The following MGAT4D variants were observed in gnomAD, a reference collection of about 807,000 sequenced individuals.
MGAT4D encodes the protein alpha-1,3-mannosyl-glycoprotein 4-beta-N-acetylglucosaminyltransferase-like protein MGAT4D.
MGAT4D carries 34 observed loss-of-function variants against 15.9 expected under a neutral mutation model. The ratio of observed to expected loss-of-function variants is 2.14; its 90% confidence interval spans 1.62 to 2.84. MGAT4D has a LOEUF of 2.84. Among genes scored for constraint, MGAT4D ranks in the 30% most tolerant of loss-of-function variants. The probability of loss-of-function intolerance (pLI) is 0.00; values close to 1 mark genes in which losing one functional copy is unlikely to be tolerated. For synonymous variants in MGAT4D, 112 were observed against 48.2 expected, an observed-to-expected ratio of 2.33 and a Z score of -5.49; for missense variants, 327 against 140.2, an observed-to-expected ratio of 2.33 and a Z score of -6.73.
chr4:140,479,169 C>T lies in MGAT4D; in HGVS notation c.391+321G>A, dbSNP rs576897127. The stretch of plus-strand genomic sequence containing the variant: ...GAAAGACTGGGAAACAGTAAAATAA[C>T]CAGGTAAGAATAGATTTACCAAAAA... On this transcript the variant is annotated intron_variant, in intron 3 of 10. Transcript: ENST00000511113. Among the ~76,000 whole-genome samples, 127 of 152,234 alleles carry T rather than the reference C, an allele frequency of 8.3e-4. 2 individuals carry two copies. Among genetic ancestry groups the T allele is most frequent in the Non-Finnish European group, 1.7e-3 (113 of 68,020 alleles).
chr4:140,470,002 GA>G (rs1406342495), intron 5 of MGAT4D, among the ~76,000 whole-genome samples: 20 of 152,368 alleles, frequency 1.3e-4, no homozygotes, highest in African/African-American at 4.6e-4. Context: ...CAAGAGCCTG[GA>G]AGGCGGTCGA....
chr4:140,482,337 TG>T lies in MGAT4D; in HGVS notation c.242del (p.Ser81Ter), dbSNP rs1732790776. 1.6e-6 allele frequency: 1 copy of T among 625,022 alleles called. No individual in the cohort carries two copies. Among genetic ancestry groups the T allele is most frequent in the Non-Finnish European group, 2.8e-6 (1 of 356,104 alleles). The allele number at this position is 625,022 out of a possible 1,614,324, so 38.7% of individuals were successfully genotyped here. A position where few individuals can be genotyped will look rare whatever the true frequency, so the allele number is the denominator to read the frequency against. On this transcript the variant is annotated frameshift_variant, in exon 2 of 11. Coordinates refer to ENST00000511113, the MANE Select transcript of MGAT4D (RefSeq NM_001277353.2). LOFTEE classifies it high-confidence loss of function. ...KYEITKREILSGNLVAQKADI... is the reference protein window; with the variant it reads ...KYEITKREILXGNLVAQKADI... ...AAAATCAACACAAACCTAAGTTTCC[TG>T]ACAAAATTTCTCTCTTTGTAATTTC...
intron 8 of MGAT4D, chr4:140,459,218 A>T (rs1027801750): frequency 1.8e-5 from 3 of 168,492 alleles, no homozygotes; most frequent in Non-Finnish European, 2.5e-5. Context: ...CTACTCAGCT[A>T]ACATGTGTGC....
intron 9 of MGAT4D, among the ~76,000 whole-genome samples, chr4:140,455,050 A>G (rs575070159): frequency 6.6e-6 from 1 of 152,074 alleles, no homozygotes; most frequent in Non-Finnish European, 1.5e-5. Flanking sequence ...GGTTTTCTCT[A>G]TTATTTTTAT....
At chr4:140,493,008 T>C (rs1733602960) in intron 1 of MGAT4D, among the ~76,000 whole-genome samples, 1 of 152,198 alleles carries the variant, frequency 6.6e-6, no homozygotes, top group Admixed American at 6.5e-5. Flanking sequence ...TTTACATCTT[T>C]AAGTGAATTG....
chr4:140,444,887 C>T (rs1419213923), intron 10 of MGAT4D, among the ~76,000 whole-genome samples: 1 of 146,214 alleles, frequency 6.8e-6, no homozygotes, highest in Admixed American at 6.8e-5. Context: ...TATTTTTTGC[C>T]TTTTTTTTTT....
rs181287847 is a variant in MGAT4D at position 140,450,351 on chromosome 4, T to C, written c.1116+1059A>G. Among the ~76,000 whole-genome samples, 469 of 152,294 alleles carry C rather than the reference T, an allele frequency of 3.1e-3. 5 individuals are homozygous for C. Among genetic ancestry groups the C allele is most frequent in the African/African-American group, 0.011 (442 of 41,580 alleles). ...ATATAATGAAAGAATCCCGTTATAA[T>C]AGCATCAAAAAAGAGAATGGTATAG... On this transcript the variant is annotated intron_variant, in intron 10 of 10. Transcript: ENST00000511113.
chr4:140,462,380 T>C (rs1731247554), intron 6 of MGAT4D: 2 of 159,666 alleles, frequency 1.3e-5, no homozygotes, highest in Non-Finnish European at 2.7e-5. Flanking sequence ...GCTTTCTTTA[T>C]TGATTCTATC....
chr4:140,487,671 T>C lies in MGAT4D; in HGVS notation c.95-5186A>G, dbSNP rs1321219294. Among the ~76,000 whole-genome samples, 3 of 152,240 alleles carry C rather than the reference T, an allele frequency of 2.0e-5. 1 individual carries two copies. The highest frequency in any genetic ancestry group is 4.4e-5 in the Non-Finnish European group (3 of 68,044). On this transcript the variant is annotated intron_variant, in intron 1 of 10. Transcript: ENST00000511113. ...TCACAGTACATCTCAATTCAGATGC[T>C]AAATTTTAATAATTACAGTGAAATG...
At chr4:140,459,886 C>T (rs56146404) in intron 7 of MGAT4D, among the ~76,000 whole-genome samples, 28,617 of 148,910 alleles carry the variant, frequency 0.19, 2,818 homozygotes, top group South Asian at 0.27. Context: ...GCACGTGCCA[C>T]CATGTCTGGC....
chr4:140,474,914 T>G lies in MGAT4D; in HGVS notation c.424A>C (p.Arg142=). Residue 142 remains arginine (R), a synonymous_variant, in exon 4 of 11, where the codon AGA becomes CGA. Coordinates refer to ENST00000511113, the MANE Select transcript of MGAT4D (RefSeq NM_001277353.2). ...SFALGISTVN[R]GNYSYLKQTL... is the part of the protein sequence containing the mutation. ...TGTTTCAGGTAACTATAATTTCCTC[T>G]GTTAACAGTGGAAATACCCAGCGCA... The G allele has an allele frequency of 1.4e-6, 1 of 697,220 alleles. No individual in the cohort carries two copies. Among genetic ancestry groups the G allele is most frequent in the Non-Finnish European group, 2.6e-6 (1 of 382,974 alleles). The allele number at this position is 697,220 out of a possible 1,614,324, so 43.2% of individuals were successfully genotyped here. A position where few individuals can be genotyped will look rare whatever the true frequency, so the allele number is the denominator to read the frequency against.
chr4:140,448,328 C>T (rs534721318), intron 10 of MGAT4D, among the ~76,000 whole-genome samples: 5 of 152,236 alleles, frequency 3.3e-5, no homozygotes, highest in South Asian at 2.1e-4. Flanking sequence ...CTGTCTTATT[C>T]GGTGATGCTA....
intron 10 of MGAT4D, among the ~76,000 whole-genome samples, chr4:140,450,558 T>C (rs936683995): frequency 3.3e-4 from 50 of 152,208 alleles, no homozygotes; most frequent in African/African-American, 1.2e-3. Flanking sequence ...GAGTTCACAT[T>C]ATGTTCTAGG....
At chr4:140,456,866 T>C (rs770379815) in intron 8 of MGAT4D, 147 bp from the exon 9 acceptor site, 32 of 453,512 alleles carry the variant, frequency 7.1e-5, no homozygotes, top group Non-Finnish European at 1.2e-4. Flanking sequence ...TAGACAATGA[T>C]AAAATTAAAC....
At position 140,456,619 on chromosome 4, in the gene MGAT4D, C is replaced by G; in HGVS notation, c.978G>C (p.Gln326His). ...CTTCTCCTGCGTCACACACCTTTAC[C>G]TGAAAAATGTCATTCAAGAGCCAGT... is the stretch of plus-strand genomic sequence containing the variant. The part of the protein sequence containing the change: ...PIDWLLNDIF[Q>H]VKVCDAGEDL... Residue 326 changes from glutamine to histidine, a missense_variant, in exon 9 of 11, where the codon CAG becomes CAC. Coordinates refer to ENST00000511113, the MANE Select transcript of MGAT4D (RefSeq NM_001277353.2). The G allele has an allele frequency of 1.4e-6, 1 of 692,306 alleles. No homozygotes were observed. The highest frequency in any genetic ancestry group is 2.6e-6 in the Non-Finnish European group (1 of 379,910). The allele number at this position is 692,306 out of a possible 1,614,324, so 42.9% of individuals were successfully genotyped here.
intron 9 of MGAT4D, among the ~76,000 whole-genome samples, chr4:140,451,979 T>A (rs1460405267): frequency 9.3e-6 from 1 of 107,408 alleles, no homozygotes; most frequent in Non-Finnish European, 1.9e-5. Flanking sequence ...TGAAAAAGAA[T>A]CTGGATAATT....
intron 2 of MGAT4D, among the ~76,000 whole-genome samples, chr4:140,480,429 G>A (rs915365388): frequency 6.6e-6 from 1 of 151,904 alleles, no homozygotes; most frequent in Non-Finnish European, 1.5e-5. Context: ...TAGGTAAAGA[G>A]ATCTTAGATA....
At chr4:140,459,857 T>C (rs532622403) in intron 7 of MGAT4D, among the ~76,000 whole-genome samples, 117 of 144,314 alleles carry the variant, frequency 8.1e-4, no homozygotes, top group African/African-American at 3.0e-3. Flanking sequence ...CAGGCTGGAG[T>C]GCAGTTGCGT....
chr4:140,458,607 A>G (rs575309112), intron 8 of MGAT4D: 2 of 152,184 alleles, frequency 1.3e-5, no homozygotes, highest in Non-Finnish European at 2.9e-5. Flanking sequence ...AATTTCAGTG[A>G]CCATCATTAT....
Sources: allele counts gnomAD v4.1 joint callset (sites outside exome capture counted in the v4.1 genomes callset), GRCh38; gene constraint gnomAD v4.1.1; transcripts MANE v1.5; gene names NCBI Gene and HGNC (gene_info 2026-07-23, HGNC 2026-07-21).